The following RNF213 variants were observed in gnomAD, a reference collection of about 807,000 sequenced individuals.
The protein encoded by RNF213 is ring finger protein 213, also known as E3 ubiquitin-protein ligase RNF213.
RNF213 carries 341 observed loss-of-function variants against 514.4 expected under a neutral mutation model. The observed-to-expected ratio is 0.66, with a 90% confidence interval of 0.61 to 0.73. The LOEUF is 0.73. Among genes scored for constraint, RNF213 ranks in the 30% least tolerant of loss-of-function variants. The pLI, the probability that RNF213 is intolerant of heterozygous loss-of-function variation, is 0.00. For missense variants in RNF213, 5,767 were observed against 6,615.6 expected (o/e 0.87, Z 4.45); for synonymous variants, 2,655 against 2,658.2 (o/e 1.00, Z 0.04).
Position 80,353,732 on chromosome 17 carries a change from C to A in RNF213, c.10578+66C>A. 2 of 1,605,454 alleles carry A rather than the reference C, an allele frequency of 1.2e-6. No homozygotes were observed. Among genetic ancestry groups the A allele is most frequent in the South Asian group, 2.2e-5 (2 of 90,678 alleles). On this transcript the variant is annotated intron_variant, in intron 34 of 67. Coordinates refer to ENST00000582970, the MANE Select transcript of RNF213 (RefSeq NM_001256071.3). This position sits in a 1 kb window ranked among gnomAD's most constrained non-coding sequence, Gnocchi z 5.0. ...GATGCTTCTGAGCTGCATCTTTAAA[C>A]GCTTTTGCATTGGGAGCTAGAGGAG... is the stretch of plus-strand genomic sequence containing the variant.
intron 2 of RNF213, among the ~76,000 whole-genome samples, chr17:80,268,354 G>GAAAAAAAAA (rs898719348): frequency 1.4e-5 from 1 of 73,198 alleles, no homozygotes; most frequent in Non-Finnish European, 2.4e-5. Context: ...CCCTGTCTCA[G>GAAAAAAAAA]AAAAAAAAAA....
At chr17:80,392,083 T>C (rs1435053380) in intron 67 of RNF213, among the ~76,000 whole-genome samples, 1 of 152,048 alleles carries the variant, frequency 6.6e-6, no homozygotes, top group Non-Finnish European at 1.5e-5. Context: ...TCTCTCTTCT[T>C]GTGCTTTCAC....
At chr17:80,364,087 C>A (rs2079159798) in intron 41 of RNF213, among the ~76,000 whole-genome samples, 1 of 152,046 alleles carries the variant, frequency 6.6e-6, no homozygotes, top group Non-Finnish European at 1.5e-5. Context: ...GAAAGGACAC[C>A]CCGGGCGGGC....
chr17:80,374,994 T>C (rs1052849490), intron 50 of RNF213: 2 of 241,904 alleles, frequency 8.3e-6, no homozygotes, highest in East Asian at 9.5e-5. Flanking sequence ...TTAATAAAAA[T>C]ACATATGTTG....
chr17:80,382,350 C>T lies in RNF213; in HGVS notation c.13978+623C>T, dbSNP rs140500651. Reference sequence around the variant, plus strand: ...AGAGTGATTTTCTTTTGCTAATCTGCAAAAATCACAATGACCATTGTGAGG... The same window carrying T: ...AGAGTGATTTTCTTTTGCTAATCTGTAAAAATCACAATGACCATTGTGAGG... On this transcript the variant is annotated intron_variant, in intron 57 of 67. Transcript: ENST00000582970. 343 of 155,824 alleles carry T rather than the reference C, an allele frequency of 2.2e-3. 3 individuals carry two copies. The highest frequency in any genetic ancestry group is 7.7e-3 in the African/African-American group (322 of 41,568). The allele number at this position is 155,824 out of a possible 1,614,324, so 9.7% of individuals were successfully genotyped here.
At position 80,346,008 on chromosome 17, in the gene RNF213, C is replaced by T. The variant is rs151313116; in HGVS notation, c.7673C>T (p.Ser2558Phe). 6 of 1,614,068 alleles carry T rather than the reference C, an allele frequency of 3.7e-6. No homozygotes were observed. Among genetic ancestry groups the T allele is most frequent in the Non-Finnish European group, 5.1e-6 (6 of 1,180,044 alleles). ...SMEETADRLG[S>F]IPLRQLVYRV... ...GAGGAGACGGCCGACAGGCTGGGCT[C>T]CATTCCTCTGAGGCAGCTGGTATAC... Residue 2558 changes from serine to phenylalanine, a missense_variant, in exon 29 of 68, where the codon TCC becomes TTC. Physicochemically the swap from Ser to Phe is radical, Grantham distance 155. Coordinates refer to ENST00000582970, the MANE Select transcript of RNF213 (RefSeq NM_001256071.3). This position sits in a 1 kb window ranked among gnomAD's most constrained non-coding sequence, Gnocchi z 8.1.
chr17:80,294,388 G>A (rs1007800661), intron 8 of RNF213, among the ~76,000 whole-genome samples: 1 of 152,208 alleles, frequency 6.6e-6, no homozygotes, highest in Non-Finnish European at 1.5e-5. Flanking sequence ...TTGTGATGAT[G>A]TTTAAGGAAG....
rs534567095 is a variant in RNF213, at chr17:80,310,016, G to A, written c.2655+845G>A. On this transcript the variant is annotated intron_variant, in intron 14 of 67. Coordinates refer to ENST00000582970, the MANE Select transcript of RNF213 (RefSeq NM_001256071.3). Reference sequence around the variant, plus strand: ...TGATCCGCCTGCCTTGGCCTCCAAAGTGCTGGGATTACAGGCTTAAACCAC... The same window carrying A: ...TGATCCGCCTGCCTTGGCCTCCAAAATGCTGGGATTACAGGCTTAAACCAC... Among the ~76,000 whole-genome samples, 5 of 151,914 alleles carry A rather than the reference G, an allele frequency of 3.3e-5. No homozygotes were observed. The East Asian group carries it at 7.8e-4, about 24-fold the overall frequency.
rs539629288 is a variant in RNF213, at chr17:80,281,564, C to T, written c.262-6251C>T. Among the ~76,000 whole-genome samples, 12 of 71,826 alleles carry T rather than the reference C, an allele frequency of 1.7e-4. No individual in the cohort carries two copies. In the South Asian group the frequency reaches 2.1e-3, roughly 12 times the overall value. 47.1% of individuals were successfully genotyped at this position (71,826 alleles called of 152,430 possible). On this transcript the variant is annotated intron_variant, in intron 3 of 67. Coordinates refer to ENST00000582970, the MANE Select transcript of RNF213 (RefSeq NM_001256071.3). ...CCACTCACACACCCCCCAAGACAAACGCCCCACTCACACCACTCACACACT... is the reference window on the plus strand; with the variant it reads ...CCACTCACACACCCCCCAAGACAAATGCCCCACTCACACCACTCACACACT...
intron 54 of RNF213, among the ~76,000 whole-genome samples, chr17:80,378,081 G>A (rs762343505): frequency 2.2e-4 from 34 of 152,192 alleles, no homozygotes; most frequent in Non-Finnish European, 1.3e-4. Context: ...TGGATGCCAG[G>A]AGCACCCACT....
rs1350103638 is a variant in RNF213 at position 80,273,375 on chromosome 17, T to C, written c.232T>C (p.Cys78Arg). 6.2e-7 allele frequency: 1 copy of C among 1,613,094 alleles called. No individual in the cohort carries two copies. Among genetic ancestry groups the C allele is most frequent in the Admixed American group, 1.7e-5 (1 of 60,008 alleles). The change falls in exon 3 of 68, where the codon TGT becomes CGT. Residue 78 changes from cysteine to arginine, a missense_variant. This residue lies in a region of RNF213 where 509 missense variants were observed against 496.7 expected (regional missense o/e 1.02). Transcript: ENST00000582970. The stretch of plus-strand genomic sequence containing the variant: ...TTGGCAAGAAAACCCCGAGGAGCCC[T>C]GTTCCAAAGCCTCCTGGACCGTCCA... The part of the protein sequence containing the change: ...DSWQENPEEP[C>R]SKASWTVQES...
At position 80,379,458 on chromosome 17, in the gene RNF213, T is replaced by C; in HGVS notation, c.13546-162T>C. On this transcript the variant is annotated intron_variant, in intron 54 of 67. Coordinates refer to ENST00000582970, the MANE Select transcript of RNF213 (RefSeq NM_001256071.3). ...GTGCAACATTAGTGAGTACCTACCC[T>C]GTTCCCATGGGTTCTCCACCCACCC... The C allele has an allele frequency of 5.6e-6, 4 of 720,308 alleles. No homozygotes were observed. In the South Asian group the frequency reaches 5.8e-5, roughly 10 times the overall value. The allele number at this position is 720,308 out of a possible 1,614,324, so 44.6% of individuals were successfully genotyped here.
At chr17:80,380,652 G>A (rs1248221052) in intron 55 of RNF213, among the ~76,000 whole-genome samples, 179 bp from the exon 56 acceptor site, 1 of 152,212 alleles carries the variant, frequency 6.6e-6, no homozygotes, top group Non-Finnish European at 1.5e-5. Flanking sequence ...TGGTCCACCG[G>A]AAAGGCGAGT....
At chr17:80,301,419 C>T (rs531154275) in intron 11 of RNF213, among the ~76,000 whole-genome samples, 5 of 152,064 alleles carry the variant, frequency 3.3e-5, no homozygotes, top group Non-Finnish European at 7.4e-5. Context: ...GTCATCTACA[C>T]GTTGGATAGG....
At position 80,332,368 on chromosome 17, in the gene RNF213, A is replaced by C; in HGVS notation, c.3880A>C (p.Lys1294Gln). 6.5e-7 allele frequency: 1 copy of C among 1,537,150 alleles called. No homozygotes were observed. Among genetic ancestry groups the C allele is most frequent in the Non-Finnish European group, 8.7e-7 (1 of 1,146,912 alleles). The change falls in exon 21 of 68, where the codon AAG becomes CAG. Residue 1294 changes from lysine (K) to glutamine (Q), a missense_variant. Physicochemically the swap from Lys to Gln is moderately conservative, Grantham distance 53 (BLOSUM62 1). Around this residue, in one of 13 missense-constraint regions of RNF213, gnomAD observed 516 missense variants for 566.5 expected, o/e 0.91. Coordinates refer to ENST00000582970, the MANE Select transcript of RNF213 (RefSeq NM_001256071.3). ...RKFIKLHQDL[K>Q]SGEVTLAEID... ...GTTCATTAAGTTGCACCAGGATCTAAAGTCAGGAGAGGTCACCCTTGCAGA... is the reference window on the plus strand; with the variant it reads ...GTTCATTAAGTTGCACCAGGATCTACAGTCAGGAGAGGTCACCCTTGCAGA...
At chr17:80,284,073 A>G (rs1243956857) in intron 3 of RNF213, among the ~76,000 whole-genome samples, 2 of 151,190 alleles carry the variant, frequency 1.3e-5, no homozygotes, top group Non-Finnish European at 2.9e-5. Flanking sequence ...AAATATGAAA[A>G]TTACGGCCGG....
chr17:80,275,238 T>G (rs1349090526), intron 3 of RNF213, among the ~76,000 whole-genome samples: 2 of 151,536 alleles, frequency 1.3e-5, no homozygotes, highest in Non-Finnish European at 2.9e-5. Context: ...CCTTGGAGAA[T>G]AATCCCTTCC....
At position 80,393,630 on chromosome 17, in the gene RNF213, A is replaced by T. The variant is rs2144688240; in HGVS notation, c.*132A>T. 8.1e-6 allele frequency: 8 copies of T among 993,184 alleles called. No homozygotes were observed. Among genetic ancestry groups the T allele is most frequent in the Non-Finnish European group, 1.1e-5 (7 of 661,780 alleles). 61.5% of individuals were successfully genotyped at this position (993,184 alleles called of 1,614,324 possible). ...AGCTGTCAGCGTAGCACCGAATTCA[A>T]GACCAAGGCGTGCTACCTGAGCTGA... On this transcript the variant is annotated 3_prime_UTR_variant, in exon 68 of 68. Transcript: ENST00000582970.
rs766794633 is a variant in RNF213 at position 80,288,184 on chromosome 17, T to G, written c.631T>G (p.Ser211Ala). ...GGAGGACCAGGACGCTTCCATCCCC[T>G]CTGGGGGCAGAGGCCTGTCCCAGGA... ...EGEDQDASIP[S>A]GGRGLSQEGT... Residue 211 changes from serine to alanine, a missense_variant, in exon 4 of 68, where the codon TCT (serine) becomes GCT (alanine). Ser to Ala is a moderately conservative substitution (Grantham distance 99). Around this residue, in one of 13 missense-constraint regions of RNF213, gnomAD observed 509 missense variants for 496.7 expected, o/e 1.02. Coordinates refer to ENST00000582970, the MANE Select transcript of RNF213 (RefSeq NM_001256071.3). The surrounding 1 kb of genome is among the most constrained non-coding windows in gnomAD (Gnocchi z 4.9). The G allele has an allele frequency of 3.1e-6, 5 of 1,612,472 alleles. No individual in the cohort carries two copies. In the African/African-American group the frequency reaches 4.0e-5, roughly 13 times the overall value.
Sources: allele counts gnomAD v4.1 joint callset (sites outside exome capture counted in the v4.1 genomes callset), GRCh38; gene constraint gnomAD v4.1.1; regional missense constraint gnomAD v4.1.1; non-coding constraint Gnocchi (gnomAD v3.1); transcripts MANE v1.5; gene names NCBI Gene and HGNC (gene_info 2026-07-23, HGNC 2026-07-21).